Variants in FOXP2 observed in about 807,000 individuals in gnomAD.
The protein encoded by FOXP2 is forkhead box P2.
Under a neutral mutation model 115.8 loss-of-function variants are expected in FOXP2, and 12 were observed. That is an observed-to-expected ratio of 0.10 (90% CI 0.07 to 0.17). The LOEUF (loss-of-function observed/expected upper bound fraction) is 0.17. Ranked by LOEUF, FOXP2 falls within the 10% of genes least tolerant of loss-of-function variation. The probability of loss-of-function intolerance (pLI) is 1.00; values close to 1 mark genes in which losing one functional copy is unlikely to be tolerated. For missense variants in FOXP2, 629 were observed against 843.5 expected, an observed-to-expected ratio of 0.75 and a Z score of 3.15; for synonymous variants, 328 against 297.7, an observed-to-expected ratio of 1.10 and a Z score of -1.05.
chr7:114,115,468 C>T (rs1791377818), intron 1 of FOXP2, among the ~76,000 whole-genome samples: 1 of 152,104 alleles, frequency 6.6e-6, no homozygotes, highest in African/African-American at 2.4e-5. Flanking sequence ...TCTCCCCTGT[C>T]TCCTTTCCCC....
chr7:114,324,436 T>G (rs1329334172), intron 2 of FOXP2, among the ~76,000 whole-genome samples: 1 of 151,862 alleles, frequency 6.6e-6, no homozygotes, highest in Non-Finnish European at 1.5e-5. Flanking sequence ...CACTTTTACT[T>G]CTTCAAGGAA....
At chr7:114,606,741 C>T (rs1458001671) in intron 3 of FOXP2, among the ~76,000 whole-genome samples, 1 of 152,058 alleles carries the variant, frequency 6.6e-6, no homozygotes, top group Non-Finnish European at 1.5e-5. Context: ...TGGTAGTGAA[C>T]AGAATTTTGG....
At chr7:114,518,717 G>A (rs916554908) in intron 2 of FOXP2, among the ~76,000 whole-genome samples, 1 of 152,090 alleles carries the variant, frequency 6.6e-6, no homozygotes, top group Non-Finnish European at 1.5e-5. Flanking sequence ...TGTTGGCCAA[G>A]CTGGTCTTGA....
chr7:114,518,651 G>T (rs545460027), intron 2 of FOXP2, among the ~76,000 whole-genome samples: 1 of 151,952 alleles, frequency 6.6e-6, no homozygotes, highest in South Asian at 2.1e-4. Flanking sequence ...TACAGGCATG[G>T]GCCACCATGC....
intron 3 of FOXP2, among the ~76,000 whole-genome samples, chr7:114,614,667 T>TA (rs1015467630): frequency 3.3e-5 from 5 of 152,152 alleles, no homozygotes; most frequent in African/African-American, 1.2e-4. Flanking sequence ...GATGCTAACA[T>TA]ACGGAGCAAA....
intron 1 of FOXP2, among the ~76,000 whole-genome samples, chr7:114,280,472 C>T (rs144087692): frequency 7.2e-5 from 11 of 152,098 alleles, no homozygotes; most frequent in East Asian, 3.9e-4. Flanking sequence ...ATCATAGTAG[C>T]GTACATTTAC....
At chr7:114,482,164 A>G (rs1796587242) in intron 2 of FOXP2, among the ~76,000 whole-genome samples, 1 of 151,414 alleles carries the variant, frequency 6.6e-6, no homozygotes, top group Admixed American at 6.6e-5. Context: ...GCTACTATTT[A>G]TGCATTGTGA....
intron 16 of FOXP2, among the ~76,000 whole-genome samples, chr7:114,674,196 T>C (rs1807639750): frequency 6.6e-6 from 1 of 152,192 alleles, no homozygotes; most frequent in Non-Finnish European, 1.5e-5. Context: ...GAAAATAGAC[T>C]AAGGGAGGAT....
At chr7:114,464,196 G>T (rs1795707204) in intron 2 of FOXP2, among the ~76,000 whole-genome samples, 1 of 152,110 alleles carries the variant, frequency 6.6e-6, no homozygotes, top group Non-Finnish European at 1.5e-5. Context: ...AAAGAACTGT[G>T]CAAAGGGTAG....
At chr7:114,156,784 T>G (rs1792683131) in intron 1 of FOXP2, among the ~76,000 whole-genome samples, 1 of 152,166 alleles carries the variant, frequency 6.6e-6, no homozygotes, top group Admixed American at 6.6e-5. Flanking sequence ...TCATATTGTA[T>G]GTAGTGGGCC....
At chr7:114,497,750 A>T (rs1797387708) in intron 2 of FOXP2, among the ~76,000 whole-genome samples, 1 of 152,090 alleles carries the variant, frequency 6.6e-6, no homozygotes, top group Non-Finnish European at 1.5e-5. Flanking sequence ...AGAGGTATTC[A>T]TATATTTTAC....
chr7:114,537,800 G>A (rs1419868012), intron 3 of FOXP2, among the ~76,000 whole-genome samples: 1 of 151,524 alleles, frequency 6.6e-6, no homozygotes, highest in Non-Finnish European at 1.5e-5. Context: ...CTCATTACAT[G>A]AAACACCAAT....
upstream of FOXP2, among the ~76,000 whole-genome samples, chr7:114,159,000 T>C (rs1454089169): frequency 6.6e-6 from 1 of 152,126 alleles, no homozygotes; most frequent in African/African-American, 2.4e-5. Context: ...AACCAGTAGG[T>C]ACTTTGAATG....
chr7:114,423,395 A>T (rs758406219), intron 1 of FOXP2, among the ~76,000 whole-genome samples: 6 of 151,626 alleles, frequency 4.0e-5, no homozygotes, highest in African/African-American at 1.5e-4. Context: ...AAAGGAAAGG[A>T]AGGAAAACTT....
intron 1 of FOXP2, among the ~76,000 whole-genome samples, chr7:114,271,089 A>G (rs577608750): frequency 6.6e-6 from 1 of 151,714 alleles, no homozygotes; most frequent in Admixed American, 6.6e-5. Flanking sequence ...ATGTAGGTCT[A>G]TTTCTAGGCT....
intron 8 of FOXP2, among the ~76,000 whole-genome samples, chr7:114,649,159 T>C (rs1181958702): frequency 6.6e-6 from 1 of 152,102 alleles, no homozygotes; most frequent in Non-Finnish European, 1.5e-5. Flanking sequence ...TGTTGGCTAG[T>C]ATGAAGCTGT....
At chr7:114,428,187 A>G (rs547129332) in intron 2 of FOXP2, among the ~76,000 whole-genome samples, 54 of 151,746 alleles carry the variant, frequency 3.6e-4, no homozygotes, top group Admixed American at 2.2e-3. Context: ...TTATAAAGCC[A>G]AGTAAAAATA....
At chr7:114,454,972 A>G (rs1005777653) in intron 2 of FOXP2, among the ~76,000 whole-genome samples, 3 of 149,410 alleles carry the variant, frequency 2.0e-5, no homozygotes, top group Non-Finnish European at 4.4e-5. Flanking sequence ...ATACATATGT[A>G]ACTAACCTGC....
At chr7:114,232,885 A>C (rs1016129673) in intron 1 of FOXP2, among the ~76,000 whole-genome samples, 1 of 152,154 alleles carries the variant, frequency 6.6e-6, no homozygotes, top group Non-Finnish European at 1.5e-5. Flanking sequence ...GAAATTTGAG[A>C]TCATTATGCT....
Sources: gnomAD v4.1 joint callset for allele counts (sites outside exome capture counted in the v4.1 genomes callset) on GRCh38, gnomAD v4.1.1 for gene constraint, MANE v1.5 for transcripts, NCBI Gene and HGNC (gene_info 2026-07-23, HGNC 2026-07-21) for gene names.